Variants in AKAP9 observed in about 807,000 individuals in gnomAD.
AKAP9 encodes A-kinase anchoring protein 9.
AKAP9 carries 311 observed loss-of-function variants against 488.5 expected under a neutral mutation model. The observed-to-expected ratio is 0.64, with a 90% CI of 0.58 to 0.70. AKAP9 has a LOEUF of 0.70. Ranked by LOEUF, AKAP9 falls within the 30% of genes least tolerant of loss-of-function variation. The pLI, the probability that AKAP9 is intolerant of heterozygous loss-of-function variation, is 0.00. For synonymous variants in AKAP9, 1,462 were observed against 1,483.5 expected, an observed-to-expected ratio of 0.99 and a Z score of 0.33; for missense variants, 4,215 against 4,374.5, an observed-to-expected ratio of 0.96 and a Z score of 1.03.
chr7:92,108,626 A>C lies in AKAP9; in HGVS notation c.11679A>C (p.Ile3893=). 6.2e-7 allele frequency: 1 copy of C among 1,614,210 alleles called. No homozygotes were observed. The highest frequency in any genetic ancestry group is 8.5e-7 in the Non-Finnish European group (1 of 1,180,028). ...LEALQRRLGT[I]QSGSTTQFHA... ...CACTGCAAAGACGACTTGGAACTAT[A>C]CAGTCAGGTGCTCTGAGTTTAACCA... The change falls in exon 49 of 50, where the codon ATA becomes ATC. Residue 3893 remains isoleucine (I), a synonymous_variant. Transcript: ENST00000356239.
intron 5 of AKAP9, among the ~76,000 whole-genome samples, chr7:91,993,494 C>T (rs781021663): frequency 3.9e-5 from 6 of 152,074 alleles, no homozygotes; most frequent in Non-Finnish European, 7.4e-5. Flanking sequence ...GACACAGTGG[C>T]ATGCACCTGT....
chr7:92,082,411 A>C (rs1395313765), intron 31 of AKAP9, 111 bp from the exon 32 acceptor site: 7 of 1,174,380 alleles, frequency 6.0e-6, no homozygotes, highest in Non-Finnish European at 7.4e-6. Context: ...CCAACTCCTT[A>C]TATCTGTAGG....
intron 21 of AKAP9, among the ~76,000 whole-genome samples, chr7:92,049,897 T>G (rs1807642383): frequency 6.6e-6 from 1 of 152,136 alleles, no homozygotes; most frequent in Non-Finnish European, 1.5e-5. Flanking sequence ...CTTTATTTTG[T>G]GCTTGAGATT....
At chr7:91,945,456 G>A (rs539398590) in intron 1 of AKAP9, among the ~76,000 whole-genome samples, 25 of 152,266 alleles carry the variant, frequency 1.6e-4, no homozygotes, top group African/African-American at 5.5e-4. Context: ...GCAGTGAACC[G>A]AGGTTGTGCC....
At chr7:92,108,723 A>C (rs538687597) in intron 49 of AKAP9, 90 bp downstream of exon 49, 340 of 1,501,134 alleles carry the variant, frequency 2.3e-4, no homozygotes, top group Admixed American at 1.3e-3. Flanking sequence ...TCATTAGGAT[A>C]ATCAAAGCTT....
intron 35 of AKAP9, 101 bp from the exon 36 acceptor site, chr7:92,085,394 C>T: frequency 4.2e-6 from 5 of 1,183,908 alleles, no homozygotes; most frequent in South Asian, 1.3e-5. Flanking sequence ...AGTTTTCTCT[C>T]TGCAAGCTAT....
At chr7:92,018,395 AACACACACACACACACACAC>A (rs56394853) in intron 12 of AKAP9, among the ~76,000 whole-genome samples, 4 of 120,686 alleles carry the variant, frequency 3.3e-5, no homozygotes, top group South Asian at 2.9e-4. Context: ...CTAAAAATAT[AACACACACACACACACACAC>A]ACACACACAC....
At chr7:91,946,986 G>A (rs1013985440) in intron 1 of AKAP9, among the ~76,000 whole-genome samples, 1 of 152,020 alleles carries the variant, frequency 6.6e-6, no homozygotes, top group South Asian at 2.1e-4. Flanking sequence ...AAAAGGTTAT[G>A]GTAAATTGCT....
At chr7:92,026,582 G>A (rs902755173) in intron 14 of AKAP9, among the ~76,000 whole-genome samples, 12 of 152,176 alleles carry the variant, frequency 7.9e-5, no homozygotes, top group Admixed American at 3.3e-4. Context: ...TGATCTGCCC[G>A]CCTCGGCCTC....
intron 1 of AKAP9, 165 bp downstream of exon 1, chr7:91,941,312 CT>C: frequency 6.6e-6 from 4 of 601,512 alleles, no homozygotes; most frequent in Admixed American, 3.0e-5. Context: ...CTCCTTTCCC[CT>C]TTTTCCAGTT....
At chr7:92,094,912 T>C in intron 39 of AKAP9, 111 bp from the exon 40 acceptor site, 1 of 840,500 alleles carries the variant, frequency 1.2e-6, no homozygotes, top group East Asian at 2.5e-5. Context: ...TATTTTCCTC[T>C]TAGCTAGTTT....
At chr7:92,072,696 G>C (rs1280877044) in intron 28 of AKAP9, among the ~76,000 whole-genome samples, 2 of 152,092 alleles carry the variant, frequency 1.3e-5, no homozygotes, top group African/African-American at 2.4e-5. Flanking sequence ...ATGGGGAAAG[G>C]AATAGAAGGA....
At chr7:91,980,165 C>A in intron 2 of AKAP9, 124 bp from the exon 3 acceptor site, 1 of 517,036 alleles carries the variant, frequency 1.9e-6, no homozygotes, top group Non-Finnish European at 3.5e-6. Flanking sequence ...GTAATTTTTA[C>A]TAGTTTTTTA....
At position 92,046,811 on chromosome 7, in the gene AKAP9, A is replaced by G. The variant is rs566699492; in HGVS notation, c.5368+1598A>G. On this transcript the variant is annotated intron_variant, in intron 21 of 49. Transcript: ENST00000356239. Reference sequence around the variant, plus strand: ...TTATTTCACAAGCTTGTTTCACTTAACCATTTAGGGAGGGATTTTGCTGTT... The same window carrying G: ...TTATTTCACAAGCTTGTTTCACTTAGCCATTTAGGGAGGGATTTTGCTGTT... Among the ~76,000 whole-genome samples, 4 of 152,290 alleles carry G rather than the reference A, an allele frequency of 2.6e-5. No homozygotes were observed. The East Asian group carries it at 7.7e-4, about 29-fold the overall frequency.
At chr7:91,969,275 C>T (rs943949275) in intron 1 of AKAP9, among the ~76,000 whole-genome samples, 1 of 152,120 alleles carries the variant, frequency 6.6e-6, no homozygotes, top group Non-Finnish European at 1.5e-5. Flanking sequence ...TGGTCAGAAA[C>T]GATACTTGAT....
chr7:92,090,034 A>G (rs1482427847), intron 38 of AKAP9: 1 of 155,106 alleles, frequency 6.4e-6, no homozygotes, highest in Non-Finnish European at 1.4e-5. Flanking sequence ...TCTCCCAAGC[A>G]CATGCTCCTC....
At chr7:92,086,134 C>A in intron 36 of AKAP9, 94 bp from the exon 37 acceptor site, 1 of 1,060,502 alleles carries the variant, frequency 9.4e-7, no homozygotes, top group Non-Finnish European at 1.4e-6. Flanking sequence ...TGCTCCTAGG[C>A]TTTTAATTAT....
At chr7:92,097,856 C>T in intron 42 of AKAP9, 62 bp downstream of exon 42, 2 of 1,520,764 alleles carry the variant, frequency 1.3e-6, no homozygotes, top group South Asian at 2.3e-5. Context: ...GACCCCATGC[C>T]TCTGGGACAG....
chr7:91,952,689 G>T (rs1195671861), intron 1 of AKAP9, among the ~76,000 whole-genome samples: 1 of 152,192 alleles, frequency 6.6e-6, no homozygotes, highest in Non-Finnish European at 1.5e-5. Flanking sequence ...GGAGTATAAA[G>T]CTATTAGCAA....
Sources: gnomAD v4.1 joint callset for allele counts (sites outside exome capture counted in the v4.1 genomes callset) on GRCh38, gnomAD v4.1.1 for gene constraint, MANE v1.5 for transcripts, NCBI Gene and HGNC (gene_info 2026-07-23, HGNC 2026-07-21) for gene names.